Variants in MYRIP observed in about 807,000 individuals in gnomAD.
MYRIP encodes the protein rab effector MyRIP.
In MYRIP, 49 loss-of-function variants were observed where a neutral mutation model predicts 98.0. The observed-to-expected ratio is 0.50, with a 90% CI of 0.40 to 0.63. The LOEUF (loss-of-function observed/expected upper bound fraction) is 0.63. Among genes scored for constraint, MYRIP ranks in the 30% least tolerant of loss-of-function variants. The pLI is 0.00. For synonymous variants in MYRIP, 404 were observed against 409.5 expected (o/e 0.99, Z 0.16); for missense variants, 1,004 against 1,058.2 (o/e 0.95, Z 0.71).
At chr3:40,194,981 T>C (rs1951348256) in intron 10 of MYRIP, among the ~76,000 whole-genome samples, 1 of 152,226 alleles carries the variant, frequency 6.6e-6, no homozygotes, top group African/African-American at 2.4e-5. Flanking sequence ...TAGATAATCA[T>C]ATTGTCAACA....
At chr3:39,960,287 T>A (rs1212195437) in intron 2 of MYRIP, among the ~76,000 whole-genome samples, 1 of 152,036 alleles carries the variant, frequency 6.6e-6, no homozygotes, top group Non-Finnish European at 1.5e-5. Context: ...TTCCTGCACC[T>A]CCCCAAAGCC....
In MYRIP at chr3:40,151,174, C is replaced by T. The variant is rs201114565; in HGVS notation, c.459C>T (p.Phe153=). 219 of 1,602,530 alleles carry T rather than the reference C, an allele frequency of 1.4e-4. No homozygotes were observed. The highest frequency in any genetic ancestry group is 3.2e-4 in the African/African-American group (24 of 74,724). The part of the protein sequence containing the change: ...RKHRLESGAC[F]DILGGSLFES... Reference sequence around the variant, plus strand: ...ACCGGCTGGAGAGTGGCGCGTGCTTCGACATTCTAGGTACTCTCACTTCCT... The same window carrying T: ...ACCGGCTGGAGAGTGGCGCGTGCTTTGACATTCTAGGTACTCTCACTTCCT... The change falls in exon 4 of 17, where the codon TTC becomes TTT. Residue 153 remains phenylalanine, a synonymous_variant. Coordinates refer to ENST00000302541, the MANE Select transcript of MYRIP (RefSeq NM_015460.4).
Position 40,191,456 on chromosome 3 carries a change from G to A in MYRIP, c.1665+993G>A, listed in dbSNP as rs576726976. On this transcript the variant is annotated intron_variant, in intron 10 of 16. Transcript: ENST00000302541. The stretch of plus-strand genomic sequence containing the variant: ...CCAGCTGCCATGCCCTATACTCTTA[G>A]TTTGGCCAGATAGTGTCCCCTATGG... Among the ~76,000 whole-genome samples, 27 of 152,228 alleles carry A rather than the reference G, an allele frequency of 1.8e-4. 1 individual carries two copies. The South Asian group carries it at 5.4e-3, about 30-fold the overall frequency.
rs149314544 is a variant in MYRIP at position 40,142,924 on chromosome 3, T to C, written c.333-8124T>C. Among the ~76,000 whole-genome samples the C allele has an allele frequency of 9.8e-5, 15 of 152,330 alleles. No individual in the cohort carries two copies. The East Asian group carries it at 2.9e-3, about 29-fold the overall frequency. On this transcript the variant is annotated intron_variant, in intron 3 of 16. Transcript: ENST00000302541. Reference sequence around the variant, plus strand: ...CCTACTGAGGCTTAGAAGCTGCAGTTTGATTATGAGAGAAAATGCCTGGGA... The same window carrying C: ...CCTACTGAGGCTTAGAAGCTGCAGTCTGATTATGAGAGAAAATGCCTGGGA...
intron 11 of MYRIP, among the ~76,000 whole-genome samples, chr3:40,218,652 A>ATG (rs1952229858): frequency 7.9e-5 from 11 of 138,918 alleles, no homozygotes; most frequent in African/African-American, 3.0e-4. Flanking sequence ...ATATATATAT[A>ATG]TATACATACA....
At chr3:40,240,745 TG>T (rs1228536447) in intron 12 of MYRIP, among the ~76,000 whole-genome samples, 5 of 152,074 alleles carry the variant, frequency 3.3e-5, no homozygotes, top group Non-Finnish European at 7.4e-5. Flanking sequence ...CAGCACGCAA[TG>T]GGGGCTCAGT....
At chr3:40,240,640 C>A (rs1952980845) in intron 12 of MYRIP, among the ~76,000 whole-genome samples, 1 of 152,222 alleles carries the variant, frequency 6.6e-6, no homozygotes, top group South Asian at 2.1e-4. Flanking sequence ...TCAGCTTTGA[C>A]ACTCCTCACC....
At position 40,201,795 on chromosome 3, in the gene MYRIP, A is replaced by G. The variant is rs185693333; in HGVS notation, c.1666-8059A>G. ...GTGTCTGGGTGCTGTTATCACACCA[A>G]TTATGAGGAAAACAAATGCCTTATT... On this transcript the variant is annotated intron_variant, in intron 10 of 16. Coordinates refer to ENST00000302541, the MANE Select transcript of MYRIP (RefSeq NM_015460.4). 1.9e-3 allele frequency among the ~76,000 whole-genome samples: 287 copies of G among 152,310 alleles called. 4 individuals are homozygous for G. Among genetic ancestry groups the G allele is most frequent in the East Asian group, 0.011 (56 of 5,182 alleles).
chr3:39,998,894 C>T (rs79400913), intron 2 of MYRIP, among the ~76,000 whole-genome samples: 15,339 of 152,194 alleles, frequency 0.1, 1,327 homozygotes, highest in African/African-American at 0.23. Flanking sequence ...ACCATCTGAT[C>T]TTTGACATAC....
intron 3 of MYRIP, among the ~76,000 whole-genome samples, chr3:40,045,959 T>C (rs2125834030): frequency 6.6e-6 from 1 of 152,176 alleles, no homozygotes; most frequent in Non-Finnish European, 1.5e-5. Flanking sequence ...GAGTACTTGA[T>C]AGAGAAAATT....
chr3:40,218,636 ATAT>A (rs1952227219), intron 11 of MYRIP, among the ~76,000 whole-genome samples: 2 of 133,876 alleles, frequency 1.5e-5, no homozygotes, highest in African/African-American at 5.9e-5. Flanking sequence ...ATATATATAT[ATAT>A]ATATATATAT....
intron 7 of MYRIP, 84 bp from the exon 8 acceptor site, chr3:40,169,866 A>T (rs1950574652): frequency 1.3e-6 from 2 of 1,561,582 alleles, no homozygotes; most frequent in Non-Finnish European, 8.8e-7. Flanking sequence ...GCTGAAAAAA[A>T]TTCCAAAGAT....
intron 2 of MYRIP, among the ~76,000 whole-genome samples, chr3:39,930,765 C>T (rs1294477132): frequency 1.3e-5 from 2 of 151,910 alleles, no homozygotes; most frequent in Non-Finnish European, 2.9e-5. Context: ...GTCTCAGTAC[C>T]ATTTATTGAA....
At chr3:40,029,562 C>G (rs573786497) in intron 2 of MYRIP, among the ~76,000 whole-genome samples, 3 of 152,138 alleles carry the variant, frequency 2.0e-5, no homozygotes, top group Non-Finnish European at 2.9e-5. Flanking sequence ...TAAAAACATA[C>G]ATAGATTTCT....
intron 2 of MYRIP, among the ~76,000 whole-genome samples, chr3:40,006,517 A>G (rs565298781): frequency 6.6e-6 from 1 of 152,304 alleles, no homozygotes; most frequent in African/African-American, 2.4e-5. Context: ...TGGATGGACT[A>G]TGGCAGGTCA....
intron 2 of MYRIP, among the ~76,000 whole-genome samples, chr3:39,948,452 C>G (rs923209392): frequency 6.6e-6 from 1 of 151,876 alleles, no homozygotes; most frequent in Non-Finnish European, 1.5e-5. Context: ...TTAAAGAAGT[C>G]AGGCAAATAT....
At chr3:39,986,346 T>G (rs560442862) in intron 2 of MYRIP, among the ~76,000 whole-genome samples, 1 of 152,304 alleles carries the variant, frequency 6.6e-6, no homozygotes, top group East Asian at 1.9e-4. Flanking sequence ...TTTTGTTGTA[T>G]TTTTACATTT....
intron 2 of MYRIP, among the ~76,000 whole-genome samples, chr3:39,935,452 C>T (rs983423084): frequency 3.9e-5 from 6 of 152,022 alleles, no homozygotes; most frequent in Admixed American, 6.6e-5. Flanking sequence ...CCTATAGCTT[C>T]GAGGAGAAGT....
chr3:39,940,898 C>G (rs1944766816), intron 2 of MYRIP, among the ~76,000 whole-genome samples: 1 of 152,060 alleles, frequency 6.6e-6, no homozygotes. Context: ...TTAGAAATAA[C>G]CACTGTAAAA....
Sources: gnomAD v4.1 joint callset for allele counts (sites outside exome capture counted in the v4.1 genomes callset) on GRCh38, gnomAD v4.1.1 for gene constraint, MANE v1.5 for transcripts, NCBI Gene and HGNC (gene_info 2026-07-23, HGNC 2026-07-21) for gene names.